HDAC7: variants seen among roughly 807,000 people sequenced by gnomAD.
HDAC7 encodes histone deacetylase 7A.
A neutral mutation model predicts 115.5 loss-of-function variants in HDAC7; 26 were observed. The observed-to-expected ratio is 0.23, with a 90% CI of 0.16 to 0.31. HDAC7 has a LOEUF of 0.31. HDAC7 is among the 10% of genes least tolerant of loss of function. HDAC7 has a pLI of 1.00. For missense variants in HDAC7, 1,068 were observed against 1,329.0 expected (o/e 0.80, Z 3.05); for synonymous variants, 564 against 550.9 (o/e 1.02, Z -0.33).
Position 47,783,874 on chromosome 12 carries a change from C to G in HDAC7, c.2943G>C (p.Gln981His). ...TCATAGGTTCTTCCTCCTCCACCAG[C>G]TGCTCCGAGGGCCTGTGGGGAGGGA... ...GILAEDRPSE[Q>H]LVEEEEPMNL is the part of the protein sequence containing the mutation. Residue 981 changes from glutamine to histidine, a missense_variant, in exon 26 of 26, where the codon CAG becomes CAC. This residue lies in a region of HDAC7 where 98 missense variants were observed against 123.9 expected (regional missense o/e 0.79). Coordinates refer to ENST00000080059, the MANE Select transcript of HDAC7 (RefSeq NM_015401.5). The G allele has an allele frequency of 6.2e-7, 1 of 1,612,484 alleles. No homozygotes were observed. The highest frequency in any genetic ancestry group is 8.5e-7 in the Non-Finnish European group (1 of 1,179,638).
intron 17 of HDAC7, 84 bp from the exon 18 acceptor site, chr12:47,789,662 A>C: frequency 6.6e-7 from 1 of 1,517,704 alleles, no homozygotes; most frequent in Non-Finnish European, 9.1e-7. Flanking sequence ...TCCAATCTCA[A>C]CCTGGTTCCC....
chr12:47,786,069 C>G, intron 22 of HDAC7, 184 bp from the exon 23 acceptor site: 1 of 642,394 alleles, frequency 1.6e-6, no homozygotes, highest in East Asian at 3.1e-5. Flanking sequence ...TCACTCAAGG[C>G]TCAGGGAGGT....
Position 47,797,154 on chromosome 12 carries a change from AC to A in HDAC7, c.578-13del, listed in dbSNP as rs768958345. On this transcript the variant is annotated splice_polypyrimidine_tract_variant and intron_variant, in intron 6 of 25. Transcript: ENST00000080059. The surrounding 1 kb of genome is among the most constrained non-coding windows in gnomAD (Gnocchi z 5.5). ...GTTGGGCTCAGAGACTGCAGGGAGC[AC>A]CAGCGTCACTCAGGCCCCCACCACC... 2 of 1,580,952 alleles carry A rather than the reference AC, an allele frequency of 1.3e-6. No homozygotes were observed. The highest frequency in any genetic ancestry group is 1.7e-6 in the Non-Finnish European group (2 of 1,163,758).
intron 21 of HDAC7, among the ~76,000 whole-genome samples, chr12:47,787,125 G>A (rs558437286): frequency 2.0e-5 from 3 of 152,248 alleles, no homozygotes; most frequent in Admixed American, 1.3e-4. Context: ...CAGTCCTTTG[G>A]ACTGAGTTGA....
chr12:47,784,014 C>T (rs1943004858), intron 25 of HDAC7, 65 bp downstream of exon 25: 2 of 1,604,970 alleles, frequency 1.2e-6, no homozygotes, highest in East Asian at 2.2e-5. Context: ...GACCCGGGGT[C>T]TTCAAGCAGG....
chr12:47,796,905 C>A, intron 7 of HDAC7, 112 bp downstream of exon 7: 1 of 1,216,090 alleles, frequency 8.2e-7, no homozygotes, highest in Non-Finnish European at 1.1e-6. Context: ...CCCCATGCAA[C>A]CACGCATGGC....
At position 47,792,458 on chromosome 12, in the gene HDAC7, G is replaced by A. The variant is rs150000005; in HGVS notation, c.1679-454C>T. The A allele has an allele frequency of 1.3e-4, 43 of 338,166 alleles. 1 individual carries two copies. In the Middle Eastern group the frequency reaches 1.7e-3, roughly 14 times the overall value. 20.9% of individuals were successfully genotyped at this position (338,166 alleles called of 1,614,324 possible). A position where few individuals can be genotyped will look rare whatever the true frequency, so the allele number is the denominator to read the frequency against. On this transcript the variant is annotated intron_variant, in intron 13 of 25. Transcript: ENST00000080059. ...AGAATTCCTAGGAAACCCCCAAACC[G>A]GGAGCTAAGAAGCCCACGATGACAC...
intron 2 of HDAC7, among the ~76,000 whole-genome samples, chr12:47,800,174 G>T (rs1192316517): frequency 6.6e-6 from 1 of 152,200 alleles, no homozygotes; most frequent in Non-Finnish European, 1.5e-5. Flanking sequence ...GGCCCCGGGG[G>T]GTAGTCATTA....
At chr12:47,796,391 C>T (rs948570637) in intron 7 of HDAC7, 93 bp from the exon 8 acceptor site, 15 of 778,892 alleles carry the variant, frequency 1.9e-5, no homozygotes, top group African/African-American at 1.6e-4. Context: ...CCGGGAGCAC[C>T]CCCTTCCTTA....
chr12:47,785,877 A>G lies in HDAC7; in HGVS notation c.2581T>C (p.Tyr861His). The G allele has an allele frequency of 3.1e-6, 5 of 1,602,350 alleles. No homozygotes were observed. The highest frequency in any genetic ancestry group is 4.3e-6 in the Non-Finnish European group (5 of 1,172,632). ...AGGTTCATCAGTTGCTGCGTCATGT[A>G]TCCAAAACCTAGAGGTTGGGAGGGG... is the stretch of plus-strand genomic sequence containing the variant. ...GYHVSAKCFGYMTQQLMNLAG... is the reference protein window; with the variant it reads ...GYHVSAKCFGHMTQQLMNLAG... The change falls in exon 23 of 26, where the codon TAC becomes CAC. Residue 861 changes from tyrosine (Y) to histidine (H), a missense_variant. Tyr to His is a moderately conservative substitution (Grantham distance 83). Around this residue, in one of 6 missense-constraint regions of HDAC7, gnomAD observed 182 missense variants for 301.1 expected, o/e 0.60. Coordinates refer to ENST00000080059, the MANE Select transcript of HDAC7 (RefSeq NM_015401.5).
rs961294997 is a variant in HDAC7, at chr12:47,792,079, A to C, written c.1679-75T>G. 4.0e-6 allele frequency: 6 copies of C among 1,486,378 alleles called. No homozygotes were observed. In the African/African-American group the frequency reaches 5.6e-5, roughly 14 times the overall value. 92.1% of individuals were successfully genotyped at this position (1,486,378 alleles called of 1,614,324 possible). ...TGGCCTTGGCTGCAGAGAACACGCC[A>C]GCACCGCCACAGCAGGCACCCACAT... On this transcript the variant is annotated intron_variant, in intron 13 of 25. Transcript: ENST00000080059.
intron 8 of HDAC7, 95 bp from the exon 9 acceptor site, chr12:47,796,111 C>T: frequency 3.3e-6 from 5 of 1,508,016 alleles, no homozygotes; most frequent in Non-Finnish European, 4.5e-6. Context: ...AGGGGCTGCC[C>T]AGACCCTGCA....
At chr12:47,819,509 C>A (rs1345863267) in intron 1 of HDAC7, among the ~76,000 whole-genome samples, 1 of 151,806 alleles carries the variant, frequency 6.6e-6, no homozygotes, top group Non-Finnish European at 1.5e-5. Flanking sequence ...CCGGGGCGGG[C>A]GGATGTGGGC....
Position 47,791,104 on chromosome 12 carries a change from C to T in HDAC7, c.1983+155G>A, listed in dbSNP as rs1387036312. On this transcript the variant is annotated intron_variant, in intron 16 of 25. Transcript: ENST00000080059. ...AGACACGCCTGTCCAAAAGGAGCTT[C>T]CTGCTGCAGGGGGCACCTCAGGAAG... 9 of 722,462 alleles carry T rather than the reference C, an allele frequency of 1.2e-5. No individual in the cohort carries two copies. In the South Asian group the frequency reaches 1.5e-4, roughly 12 times the overall value. The allele number at this position is 722,462 out of a possible 1,614,324, so 44.8% of individuals were successfully genotyped here. A position where few individuals can be genotyped will look rare whatever the true frequency, so the allele number is the denominator to read the frequency against.
At chr12:47,820,060 CTG>C (rs1306663437), upstream of HDAC7, 1 of 151,992 alleles carries the variant, frequency 6.6e-6, no homozygotes, top group Non-Finnish European at 1.5e-5. The surrounding 1 kb of genome is among the most constrained non-coding windows in gnomAD (Gnocchi z 4.3). Context: ...CCGGCAGACA[CTG>C]CACCGCGCGG....
At chr12:47,799,872 T>A (rs1332075775) in intron 2 of HDAC7, among the ~76,000 whole-genome samples, 2 of 152,182 alleles carry the variant, frequency 1.3e-5, no homozygotes, top group South Asian at 4.1e-4. Context: ...AGCGGGCTTA[T>A]CCTGGAGAAG....
chr12:47,818,244 A>C (rs1489643715), intron 1 of HDAC7, among the ~76,000 whole-genome samples: 1 of 152,142 alleles, frequency 6.6e-6, no homozygotes, highest in Non-Finnish European at 1.5e-5. Context: ...TTCCAGGTGC[A>C]ACATCAGGAG....
intron 15 of HDAC7, 97 bp from the exon 16 acceptor site, chr12:47,791,405 G>T (rs1019298359): frequency 7.1e-7 from 1 of 1,400,602 alleles, no homozygotes; most frequent in Non-Finnish European, 9.7e-7. Context: ...GGTGAGTATT[G>T]GGGGAGAGAA....
intron 2 of HDAC7, among the ~76,000 whole-genome samples, chr12:47,799,368 A>G (rs897617353): frequency 1.3e-5 from 2 of 152,138 alleles, no homozygotes; most frequent in Non-Finnish European, 2.9e-5. Context: ...CCTCCCTGGA[A>G]TCAGAGGATT....
Sources: gnomAD v4.1 joint callset for allele counts (sites outside exome capture counted in the v4.1 genomes callset) on GRCh38, gnomAD v4.1.1 for gene constraint, gnomAD v4.1.1 regional missense constraint, Gnocchi (gnomAD v3.1) non-coding constraint, MANE v1.5 for transcripts, NCBI Gene and HGNC (gene_info 2026-07-23, HGNC 2026-07-21) for gene names.